The following PIGS variants were observed in gnomAD, a reference collection of about 807,000 sequenced individuals.
The protein encoded by PIGS is GPI-anchor transamidase component PIGS.
Under a neutral mutation model 58.2 loss-of-function variants are expected in PIGS, and 37 were observed. That is an observed-to-expected ratio of 0.64 (90% CI 0.49 to 0.84). The LOEUF is 0.84. Among genes scored for constraint, PIGS ranks in the 40% least tolerant of loss-of-function variants. The pLI is 0.00. For missense variants in PIGS, 629 were observed against 710.8 expected, an observed-to-expected ratio of 0.88 and a Z score of 1.31; for synonymous variants, 269 against 289.2, an observed-to-expected ratio of 0.93 and a Z score of 0.71.
At chr17:28,564,498 G>A (rs2070383592) in intron 3 of PIGS, among the ~76,000 whole-genome samples, 1 of 152,180 alleles carries the variant, frequency 6.6e-6, no homozygotes, top group Non-Finnish European at 1.5e-5. Flanking sequence ...TGGATCACCT[G>A]AGGTCAGGAG....
chr17:28,563,894 G>C lies in PIGS; in HGVS notation c.300C>G (p.Ile100Met). 6.2e-7 allele frequency: 1 copy of C among 1,613,928 alleles called. No individual in the cohort carries two copies. The highest frequency in any genetic ancestry group is 8.5e-7 in the Non-Finnish European group (1 of 1,179,808). ...REIPLKYKMK[I>M]KCRFQKAYRR... ...GATAGGCCTTCTGGAAACGGCATTT[G>C]ATTTTCATTTTGTCTGGGAGGGATA... Residue 100 changes from isoleucine (I) to methionine (M), a missense_variant, in exon 4 of 12, where the codon ATC (isoleucine) becomes ATG (methionine). Physicochemically the swap from Ile to Met is conservative, Grantham distance 10. Transcript: ENST00000308360.
At position 28,570,896 on chromosome 17, in the gene PIGS, T is replaced by C; in HGVS notation, c.242A>G (p.Lys81Arg). ...RESVPLDDQE[K>R]LPFTVVHERE... Reference sequence around the variant, plus strand: ...TTCATGCACAACGGTGAAGGGCAGCTTCTCCTGGTCGTCCAGGGGCACTGA... The same window carrying C: ...TTCATGCACAACGGTGAAGGGCAGCCTCTCCTGGTCGTCCAGGGGCACTGA... The change falls in exon 3 of 12, where the codon AAG (lysine) becomes AGG (arginine). Residue 81 changes from lysine (K) to arginine (R), a missense_variant. Physicochemically the swap from Lys to Arg is conservative, Grantham distance 26. Coordinates refer to ENST00000308360, the MANE Select transcript of PIGS (RefSeq NM_033198.4). 1 of 1,614,216 alleles carries C rather than the reference T, an allele frequency of 6.2e-7. No homozygotes were observed. Among genetic ancestry groups the C allele is most frequent in the Non-Finnish European group, 8.5e-7 (1 of 1,180,032 alleles).
At position 28,554,217 on chromosome 17, in the gene PIGS, T is replaced by TCCATAGG; in HGVS notation, c.*2_*3insCCTATGG. On this transcript the variant is annotated 3_prime_UTR_variant, in exon 12 of 12. Transcript: ENST00000308360. Reference sequence around the variant, plus strand: ...AAGGCTTCCTATGGAGGTGCTGCCCTGCTCAGTCTGTCTTCTCAGGCTTTC... The same window carrying TCCATAGG: ...AAGGCTTCCTATGGAGGTGCTGCCCTCCATAGGGCTCAGTCTGTCTTCTCAGGCTTTC... 6.2e-7 allele frequency: 1 copy of TCCATAGG among 1,613,888 alleles called. No homozygotes were observed. Among genetic ancestry groups the TCCATAGG allele is most frequent in the East Asian group, 2.2e-5 (1 of 44,882 alleles).
chr17:28,556,889 C>T lies in PIGS; in HGVS notation c.1018G>A (p.Asp340Asn), dbSNP rs148624723. Reference sequence around the variant, plus strand: ...GTGGCCACTGGAGCGCCATCCTTGTCCTGAATGTACAGCGGTGAGTGTGCA... The same window carrying T: ...GTGGCCACTGGAGCGCCATCCTTGTTCTGAATGTACAGCGGTGAGTGTGCA... The part of the protein sequence containing the change: ...ELAHSPLYIQ[D>N]KDGAPVATNA... The change falls in exon 9 of 12, where the codon GAC becomes AAC. Residue 340 changes from aspartate to asparagine, a missense_variant. By Grantham distance (23) the Asp-to-Asn change is conservative. Transcript: ENST00000308360. 14 of 1,614,014 alleles carry T rather than the reference C, an allele frequency of 8.7e-6. No individual in the cohort carries two copies. The African/African-American group carries it at 1.9e-4, about 22-fold the overall frequency.
In PIGS at chr17:28,561,633, T is replaced by G. The variant is rs2070365362; in HGVS notation, c.469-4A>C. On this transcript the variant is annotated splice_region_variant and splice_polypyrimidine_tract_variant and intron_variant, in intron 5 of 11. Transcript: ENST00000308360. ...GCCCAATGTAGCTCATCATGTCCTG[T>G]GGGGGTGAGCAAGAGACAGAATGCC... 6.2e-7 allele frequency: 1 copy of G among 1,609,060 alleles called. No individual in the cohort carries two copies. Among genetic ancestry groups the G allele is most frequent in the Non-Finnish European group, 8.5e-7 (1 of 1,177,388 alleles).
At chr17:28,559,939 C>T in intron 7 of PIGS, 110 bp downstream of exon 7, 1 of 1,389,924 alleles carries the variant, frequency 7.2e-7, no homozygotes, top group Non-Finnish European at 9.7e-7. Context: ...TACATATACA[C>T]ACAGGAAATT....
At chr17:28,557,467 C>T (rs1359497500) in intron 8 of PIGS, 3 of 164,214 alleles carry the variant, frequency 1.8e-5, no homozygotes, top group African/African-American at 7.2e-5. Context: ...CTACTCTGAG[C>T]TTCCTGAATG....
intron 9 of PIGS, chr17:28,556,471 T>C (rs2070329225): frequency 2.8e-6 from 2 of 714,328 alleles, no homozygotes; most frequent in Admixed American, 3.9e-5. Context: ...CTGTAGAACA[T>C]ATTTTTTTCT....
In PIGS at chr17:28,570,910, C is replaced by T. The variant is rs532204870; in HGVS notation, c.228G>A (p.Leu76=). 3.0e-5 allele frequency: 49 copies of T among 1,614,232 alleles called. 1 individual carries two copies. In the South Asian group the frequency reaches 4.0e-4, roughly 13 times the overall value. ...TGAAGGGCAGCTTCTCCTGGTCGTCCAGGGGCACTGACTCCCGCGTAAACA... is the reference window on the plus strand; with the variant it reads ...TGAAGGGCAGCTTCTCCTGGTCGTCTAGGGGCACTGACTCCCGCGTAAACA... ...TVVFTRESVP[L]DDQEKLPFTV... Residue 76 remains leucine (L), a synonymous_variant, in exon 3 of 12, where the codon CTG becomes CTA. Transcript: ENST00000308360.
rs989735548 is a variant in PIGS, at chr17:28,559,899, C to T, written c.819+150G>A. ...GGACACAGACAAGGGCACACACGCA[C>T]CCCCAGTACCCACCCTTATGACACT... On this transcript the variant is annotated intron_variant, in intron 7 of 11. Transcript: ENST00000308360. 14 of 1,005,422 alleles carry T rather than the reference C, an allele frequency of 1.4e-5. No homozygotes were observed. The African/African-American group carries it at 2.0e-4, about 14-fold the overall frequency. 62.3% of individuals were successfully genotyped at this position (1,005,422 alleles called of 1,614,324 possible).
rs765997373 is a variant in PIGS at position 28,571,491 on chromosome 17, C to G, written c.6G>C (p.Ala2=). 2 of 1,607,854 alleles carry G rather than the reference C, an allele frequency of 1.2e-6. No homozygotes were observed. Among genetic ancestry groups the G allele is most frequent in the Admixed American group, 3.4e-5 (2 of 59,502 alleles). ...GGTGTGTAGCCGCAGCCCCGGCGGC[C>G]GCCATGCTAGCTTCCGGCTGCTCCG... M[A]AAGAAATHLE... The change falls in exon 1 of 12, where the codon GCG becomes GCC. Residue 2 remains alanine (A), a synonymous_variant. Transcript: ENST00000308360.
chr17:28,556,591 C>T (rs556449164), intron 9 of PIGS: 2 of 701,558 alleles, frequency 2.9e-6, no homozygotes, highest in South Asian at 1.6e-5. Flanking sequence ...AAGATGGACA[C>T]AGAATGATCC....
chr17:28,562,988 C>T (rs1003160844), intron 5 of PIGS, among the ~76,000 whole-genome samples: 1 of 152,152 alleles, frequency 6.6e-6, no homozygotes, highest in Non-Finnish European at 1.5e-5. Context: ...GTGTGAGCCA[C>T]CAGACCCAGC....
At chr17:28,558,736 G>A in intron 7 of PIGS, 146 bp from the exon 8 acceptor site, 1 of 639,392 alleles carries the variant, frequency 1.6e-6, no homozygotes, top group Non-Finnish European at 2.7e-6. Flanking sequence ...AATAATTGCA[G>A]AAGAAAATAG....
At position 28,571,173 on chromosome 17, in the gene PIGS, T is replaced by C; in HGVS notation, c.50A>G (p.Lys17Arg). 6.2e-7 allele frequency: 1 copy of C among 1,613,106 alleles called. No individual in the cohort carries two copies. The highest frequency in any genetic ancestry group is 8.5e-7 in the Non-Finnish European group (1 of 1,179,904). ...CGCAGCGAAGAAGAGGGCGGCGCGC[T>C]TGCCCCGGGCCACCTCTGAGGGCAT... ...AATHLEVARG[K>R]RAALFFAAVA... Residue 17 changes from lysine to arginine, a missense_variant, in exon 2 of 12, where the codon AAG becomes AGG. By Grantham distance (26) the Lys-to-Arg change is conservative. Coordinates refer to ENST00000308360, the MANE Select transcript of PIGS (RefSeq NM_033198.4).
chr17:28,568,924 C>T (rs1179737715), intron 3 of PIGS, among the ~76,000 whole-genome samples: 2 of 151,044 alleles, frequency 1.3e-5, no homozygotes, highest in African/African-American at 2.4e-5. Flanking sequence ...GGTGAAACCC[C>T]GTATCTACTA....
Position 28,556,213 on chromosome 17 carries a change from G to A in PIGS, c.1134C>T (p.Val378=), listed in dbSNP as rs768027222. ...TYNASVLPVR[V]EVDMVRVMEV... is the part of the protein sequence containing the mutation. ...CCATCACTCGCACCATGTCCACCTC[G>A]ACTCTCACTGGCAGCACTGAGGCAT... The change falls in exon 10 of 12, where the codon GTC becomes GTT. Residue 378 remains valine (V), a synonymous_variant. Transcript: ENST00000308360. The A allele has an allele frequency of 2.5e-6, 4 of 1,613,980 alleles. No individual in the cohort carries two copies. Among genetic ancestry groups the A allele is most frequent in the Non-Finnish European group, 3.4e-6 (4 of 1,179,918 alleles).
intron 6 of PIGS, 134 bp downstream of exon 6, chr17:28,561,288 A>G: frequency 1.9e-6 from 1 of 539,014 alleles, no homozygotes; most frequent in Non-Finnish European, 2.7e-6. Context: ...TAATAATAAT[A>G]ATAATAACAT....
chr17:28,568,338 A>G (rs955907278), intron 3 of PIGS, among the ~76,000 whole-genome samples: 1 of 152,104 alleles, frequency 6.6e-6, no homozygotes, highest in African/African-American at 2.4e-5. Flanking sequence ...CCTGATCTCA[A>G]GTGATCTGCC....
Sources: gnomAD v4.1 joint callset for allele counts (sites outside exome capture counted in the v4.1 genomes callset) on GRCh38, gnomAD v4.1.1 for gene constraint, MANE v1.5 for transcripts, NCBI Gene and HGNC (gene_info 2026-07-23, HGNC 2026-07-21) for gene names.